AQP7: variants seen among roughly 807,000 people sequenced by gnomAD.
The protein encoded by AQP7 is aquaporin-7.
A neutral mutation model predicts 26.1 loss-of-function variants in AQP7; 22 were observed. That is an observed-to-expected ratio of 0.84 (90% CI 0.60 to 1.20). The LOEUF is 1.20. Among genes scored for constraint, AQP7 ranks in the 50% most tolerant of loss-of-function variants. AQP7 has a pLI of 0.00. For synonymous variants in AQP7, 167 were observed against 181.7 expected (o/e 0.92, Z 0.65); for missense variants, 412 against 457.5 (o/e 0.90, Z 0.91).
chr9:33,395,394 A>G, intron 2 of AQP7, 199 bp from the exon 3 acceptor site: 1 of 595,516 alleles, frequency 1.7e-6, no homozygotes, highest in Non-Finnish European at 3.0e-6. Flanking sequence ...ACTGGGGTAG[A>G]TGGCCAGGCC....
chr9:33,385,566 G>A (rs1824670630), intron 7 of AQP7, 83 bp downstream of exon 7: 6 of 1,517,016 alleles, frequency 4.0e-6, no homozygotes, highest in East Asian at 2.3e-5. Flanking sequence ...CTCCTGTGCT[G>A]CCCCTCACAT....
chr9:33,386,693 G>C, intron 4 of AQP7, 152 bp from the exon 5 acceptor site: 3 of 1,172,926 alleles, frequency 2.6e-6, no homozygotes, highest in Non-Finnish European at 3.6e-6. Context: ...TGAGGCAGGG[G>C]CCACCATCTT....
chr9:33,392,386 A>G (rs1047094646), intron 3 of AQP7, among the ~76,000 whole-genome samples: 2 of 152,116 alleles, frequency 1.3e-5, no homozygotes, highest in African/African-American at 4.8e-5. Flanking sequence ...GCTTAGTCTC[A>G]AGGAGCCTCA....
chr9:33,387,264 T>C (rs1339846229), intron 3 of AQP7, among the ~76,000 whole-genome samples, 172 bp from the exon 4 acceptor site: 1 of 151,784 alleles, frequency 6.6e-6, no homozygotes, highest in Non-Finnish European at 1.5e-5. Flanking sequence ...CACTGCCTCC[T>C]CTCCTTGCCC....
Position 33,385,642 on chromosome 9 carries a change from G to C in AQP7, c.743+7C>G. On this transcript the variant is annotated splice_region_variant and intron_variant, in intron 7 of 7. Coordinates refer to ENST00000297988, the MANE Select transcript of AQP7 (RefSeq NM_001170.3). ...CTCAAAGGAATGGGCCTGGGCAGGG[G>C]CAGTACCTGAAGACCTGTTTGCCCC... The C allele has an allele frequency of 6.2e-7, 1 of 1,613,060 alleles. No homozygotes were observed. The highest frequency in any genetic ancestry group is 2.2e-5 in the East Asian group (1 of 44,896).
rs10533009 is a variant in AQP7, at chr9:33,398,973, CT to C, written c.26+2263del. ...CCTGTTTCTTTTCTTTTTCTTTTTC[CT>C]TTTTTTTTTTTTTTGAGACAGGGTC... On this transcript the variant is annotated intron_variant, in intron 2 of 7. Coordinates refer to ENST00000297988, the MANE Select transcript of AQP7 (RefSeq NM_001170.3). Among the ~76,000 whole-genome samples, 233 of 139,358 alleles carry C rather than the reference CT, an allele frequency of 1.7e-3. 1 individual carries two copies. The highest frequency in any genetic ancestry group is 7.8e-3 in the East Asian group (37 of 4,774). The allele number at this position is 139,358 out of a possible 152,430, so 91.4% of individuals were successfully genotyped here. A position where few individuals can be genotyped will look rare whatever the true frequency, so the allele number is the denominator to read the frequency against.
chr9:33,387,884 C>T lies in AQP7; in HGVS notation c.145-792G>A, dbSNP rs4008655. On this transcript the variant is annotated intron_variant, in intron 3 of 7. Coordinates refer to ENST00000297988, the MANE Select transcript of AQP7 (RefSeq NM_001170.3). ...AGCAAACTGTCCCACCCCTGCCCAGCGTCCTTCTCCAGCTGTGGGTTCCTG... is the reference window on the plus strand; with the variant it reads ...AGCAAACTGTCCCACCCCTGCCCAGTGTCCTTCTCCAGCTGTGGGTTCCTG... Among the ~76,000 whole-genome samples the T allele has an allele frequency of 1.7e-3, 252 of 152,256 alleles. 1 individual carries two copies. Among genetic ancestry groups the T allele is most frequent in the East Asian group, 0.013 (69 of 5,176 alleles).
At position 33,385,822 on chromosome 9, in the gene AQP7, C is replaced by A; in HGVS notation, c.570G>T (p.Thr190=). 6.2e-7 allele frequency: 1 copy of A among 1,612,510 alleles called. No individual in the cohort carries two copies. The highest frequency in any genetic ancestry group is 8.5e-7 in the Non-Finnish European group (1 of 1,179,844). The part of the protein sequence containing the change: ...GMLQLCLFAI[T]DQENNPALPG... ...GCAGTGCTGGGTTGTTCTCCTGGTCCGTGATGGCGAAGAGACACAGCTGGA... is the reference window on the plus strand; with the variant it reads ...GCAGTGCTGGGTTGTTCTCCTGGTCAGTGATGGCGAAGAGACACAGCTGGA... Residue 190 remains threonine (T), a synonymous_variant, in exon 7 of 8, where the codon ACG becomes ACT. Transcript: ENST00000297988.
chr9:33,386,643 C>T lies in AQP7; in HGVS notation c.269-102G>A, dbSNP rs62542747. The T allele has an allele frequency of 4.5e-5, 64 of 1,422,688 alleles. No homozygotes were observed. In the Middle Eastern group the frequency reaches 9.7e-4, roughly 22 times the overall value. The allele number at this position is 1,422,688 out of a possible 1,614,324, so 88.1% of individuals were successfully genotyped here. ...GGCTAGTGTGTATGACAGCATGCTC[C>T]GTGACAGAGCTCTCTCCTTGAGCCC... On this transcript the variant is annotated intron_variant, in intron 4 of 7. Coordinates refer to ENST00000297988, the MANE Select transcript of AQP7 (RefSeq NM_001170.3).
Position 33,386,941 on chromosome 9 carries a change from C to G in AQP7, c.268+28G>C, listed in dbSNP as rs765341956. ...CCTGTTGGGGACACCTGGTCTTGCC[C>G]GGTCCGGCAGGGCCTGGGCTCACTC... On this transcript the variant is annotated intron_variant, in intron 4 of 7. Transcript: ENST00000297988. 1.5e-5 allele frequency: 24 copies of G among 1,610,674 alleles called. No individual in the cohort carries two copies. The African/African-American group carries it at 1.6e-4, about 11-fold the overall frequency.
intron 2 of AQP7, among the ~76,000 whole-genome samples, chr9:33,397,167 C>T (rs1825916154): frequency 1.3e-5 from 2 of 151,104 alleles, no homozygotes; most frequent in South Asian, 2.1e-4. Context: ...GGGCTGGGAT[C>T]ATACCAGTTT....
intron 3 of AQP7, among the ~76,000 whole-genome samples, chr9:33,391,210 G>A (rs780697646): frequency 2.0e-5 from 3 of 152,226 alleles, no homozygotes; most frequent in African/African-American, 4.8e-5. Flanking sequence ...TTCATCCAGC[G>A]CACAGGTTTT....
intron 3 of AQP7, among the ~76,000 whole-genome samples, chr9:33,387,828 G>C (rs75880049): frequency 6.6e-6 from 1 of 151,896 alleles, no homozygotes; most frequent in Non-Finnish European, 1.5e-5. Flanking sequence ...CCCACTGATC[G>C]GCTCCCACAC....
At chr9:33,397,248 T>C (rs1454513170) in intron 2 of AQP7, among the ~76,000 whole-genome samples, 2 of 152,178 alleles carry the variant, frequency 1.3e-5, no homozygotes, top group Non-Finnish European at 2.9e-5. Context: ...GGCTGGTTGT[T>C]GCCTGCCGTG....
At chr9:33,396,887 G>C (rs917535591) in intron 2 of AQP7, among the ~76,000 whole-genome samples, 3 of 151,438 alleles carry the variant, frequency 2.0e-5, no homozygotes, top group African/African-American at 7.3e-5. Flanking sequence ...CTTGAGCCCA[G>C]GAGTTCAAGA....
At chr9:33,402,005 T>C (rs1826327117) in intron 1 of AQP7, 1 of 152,458 alleles carries the variant, frequency 6.6e-6, no homozygotes, top group African/African-American at 2.4e-5. Flanking sequence ...ACCCGTCTCC[T>C]GCCTGCACGC....
intron 2 of AQP7, among the ~76,000 whole-genome samples, chr9:33,398,249 C>T (rs1351522952): frequency 1.1e-4 from 16 of 151,726 alleles, no homozygotes; most frequent in African/African-American, 3.4e-4. Flanking sequence ...CAGGAATGGG[C>T]TGGCCACGGA....
rs1312864656 is a variant in AQP7 at position 33,384,958 on chromosome 9, A to C, written c.*47T>G. The C allele has an allele frequency of 6.4e-7, 1 of 1,557,816 alleles. No homozygotes were observed. Among genetic ancestry groups the C allele is most frequent in the Non-Finnish European group, 8.7e-7 (1 of 1,148,448 alleles). ...GGAAGTGGGGGTACTGCTGTCGGAC[A>C]AGCCTTGCTTTATTGGGGAATGGAT... On this transcript the variant is annotated 3_prime_UTR_variant, in exon 8 of 8. Transcript: ENST00000297988.
At chr9:33,401,958 C>G (rs1826320847) in intron 1 of AQP7, 1 of 152,638 alleles carries the variant, frequency 6.6e-6, no homozygotes. Context: ...CAGGAGGGGA[C>G]TGCGTGGGAG....
Sources: gnomAD v4.1 joint callset for allele counts (sites outside exome capture counted in the v4.1 genomes callset) on GRCh38, gnomAD v4.1.1 for gene constraint, MANE v1.5 for transcripts, NCBI Gene and HGNC (gene_info 2026-07-23, HGNC 2026-07-21) for gene names.